FADS3: variants seen among roughly 807,000 people sequenced by gnomAD.
FADS3 encodes fatty acid desaturase 3, also known as cytochrome b5-related protein.
FADS3 carries 30 observed loss-of-function variants against 60.4 expected under a neutral mutation model. The ratio of observed to expected loss-of-function variants is 0.50; its 90% CI spans 0.37 to 0.67. The LOEUF is 0.67. FADS3 is among the 30% of genes least tolerant of loss of function. The probability of loss-of-function intolerance (pLI) is 0.00; values close to 1 mark genes in which losing one functional copy is unlikely to be tolerated. For missense variants in FADS3, 432 were observed against 598.3 expected (o/e 0.72, Z 2.90); for synonymous variants, 234 against 249.3 (o/e 0.94, Z 0.58).
At chr11:61,882,977 G>A (rs1048448124) in intron 1 of FADS3, among the ~76,000 whole-genome samples, 1 of 151,814 alleles carries the variant, frequency 6.6e-6, no homozygotes, top group Non-Finnish European at 1.5e-5. Context: ...CAATCCTCCC[G>A]CCTTGGCCTC....
chr11:61,883,189 C>G (rs778199055), intron 1 of FADS3, among the ~76,000 whole-genome samples: 4 of 152,186 alleles, frequency 2.6e-5, no homozygotes, highest in Non-Finnish European at 5.9e-5. Context: ...AACTCTGTCC[C>G]CATTAAACAC....
In FADS3 at chr11:61,880,106, A is replaced by G. The variant is rs1433464967; in HGVS notation, c.259T>C (p.Phe87Leu). 1 of 1,614,144 alleles carries G rather than the reference A, an allele frequency of 6.2e-7. No homozygotes were observed. Among genetic ancestry groups the G allele is most frequent in the Non-Finnish European group, 8.5e-7 (1 of 1,179,980 alleles). Residue 87 changes from phenylalanine to leucine, a missense_variant, in exon 2 of 12, where the codon TTC becomes CTC. Coordinates refer to ENST00000278829, the MANE Select transcript of FADS3 (RefSeq NM_021727.5). The stretch of plus-strand genomic sequence containing the variant: ...TCTCCAATCAACAGGGGCTGTAGGA[A>G]CTTGCGCACAAAATTGAGATCTTGA... Reference protein sequence around the residue: ...FHQDLNFVRKFLQPLLIGELA... With the variant: ...FHQDLNFVRKLLQPLLIGELA...
At chr11:61,885,432 C>A (rs1170874591) in intron 1 of FADS3, among the ~76,000 whole-genome samples, 1 of 152,136 alleles carries the variant, frequency 6.6e-6, no homozygotes, top group Non-Finnish European at 1.5e-5. Flanking sequence ...AGGGGCCTGG[C>A]GGTTGGCAAG....
Position 61,878,421 on chromosome 11 carries a change from G to C in FADS3, c.747+91C>G. 4 of 1,537,594 alleles carry C rather than the reference G, an allele frequency of 2.6e-6. No homozygotes were observed. The South Asian group carries it at 3.7e-5, about 14-fold the overall frequency. On this transcript the variant is annotated intron_variant, in intron 5 of 11. Transcript: ENST00000278829. ...AGCCAGAGTGGAGGCCAGATCAGGG[G>C]CTAGGTCAGGGGCAGAGTGGGGACC... is the stretch of plus-strand genomic sequence containing the variant.
At position 61,877,977 on chromosome 11, in the gene FADS3, C is replaced by T; in HGVS notation, c.808+178G>A. 1 of 653,938 alleles carries T rather than the reference C, an allele frequency of 1.5e-6. No homozygotes were observed. Among genetic ancestry groups the T allele is most frequent in the East Asian group, 2.6e-5 (1 of 38,512 alleles). The allele number at this position is 653,938 out of a possible 1,614,324, so 40.5% of individuals were successfully genotyped here. On this transcript the variant is annotated intron_variant, in intron 6 of 11. Coordinates refer to ENST00000278829, the MANE Select transcript of FADS3 (RefSeq NM_021727.5). This position sits in a 1 kb window ranked among gnomAD's most constrained non-coding sequence, Gnocchi z 4.7. ...TCCCAGGCACGGGAGACAGCTGGGG[C>T]AAAGGCATGCTGCTGGGAGAGTGTG... is the stretch of plus-strand genomic sequence containing the variant.
At position 61,876,081 on chromosome 11, in the gene FADS3, C is replaced by G; in HGVS notation, c.1160+30G>C. 1 of 1,608,504 alleles carries G rather than the reference C, an allele frequency of 6.2e-7. No homozygotes were observed. The highest frequency in any genetic ancestry group is 8.5e-7 in the Non-Finnish European group (1 of 1,177,584). The stretch of plus-strand genomic sequence containing the variant: ...TCCCCTCCCAGGACCCCCTCCCCAC[C>G]TCCCACTGGCCCCCAGCACCCACAC... On this transcript the variant is annotated intron_variant, in intron 10 of 11. Coordinates refer to ENST00000278829, the MANE Select transcript of FADS3 (RefSeq NM_021727.5). The surrounding 1 kb of genome is among the most constrained non-coding windows in gnomAD (Gnocchi z 5.7).
chr11:61,878,027 T>A lies in FADS3; in HGVS notation c.808+128A>T, dbSNP rs543521670. On this transcript the variant is annotated intron_variant, in intron 6 of 11. Transcript: ENST00000278829. ...GTACAGACTGCAGAGGCTGGGAGGA[T>A]GCCATGACCAGGGAGACCTGACAGA... The A allele has an allele frequency of 1.3e-4, 100 of 797,672 alleles. No individual in the cohort carries two copies. The South Asian group carries it at 1.5e-3, about 12-fold the overall frequency. 49.4% of individuals were successfully genotyped at this position (797,672 alleles called of 1,614,324 possible).
At chr11:61,878,477 C>G (rs771589591) in intron 5 of FADS3, 35 bp downstream of exon 5, 1 of 1,605,774 alleles carries the variant, frequency 6.2e-7, no homozygotes, top group Admixed American at 1.7e-5. Context: ...AGCTGCAGGC[C>G]CAGCCAGAGG....
intron 1 of FADS3, 173 bp from the exon 2 acceptor site, chr11:61,880,324 A>G: frequency 1.8e-6 from 1 of 544,818 alleles, no homozygotes; most frequent in Non-Finnish European, 3.3e-6. Flanking sequence ...TGGTCCTCCC[A>G]GGGCCCCAGG....
rs962710613 is a variant in FADS3 at position 61,880,263 on chromosome 11, G to A, written c.214-112C>T. 5.0e-6 allele frequency: 4 copies of A among 801,128 alleles called. No homozygotes were observed. In the East Asian group the frequency reaches 1.1e-4, roughly 21 times the overall value. The allele number at this position is 801,128 out of a possible 1,614,324, so 49.6% of individuals were successfully genotyped here. ...GATGGATGGGCAGAGCAGACGACAG[G>A]CGGACAGGAAGTCAGCCGGCTGATG... On this transcript the variant is annotated intron_variant, in intron 1 of 11. Transcript: ENST00000278829.
At chr11:61,874,693 C>T (rs955659075) in intron 11 of FADS3, among the ~76,000 whole-genome samples, 2 of 152,150 alleles carry the variant, frequency 1.3e-5, no homozygotes, top group African/African-American at 2.4e-5. Flanking sequence ...TCTGCCTGAA[C>T]GCTCTTTGCC....
At position 61,876,528 on chromosome 11, in the gene FADS3, G is replaced by T; in HGVS notation, c.984-73C>A. ...CACCCTGAGTGGAGGCTGGAGAGCA[G>T]CTGTCCCCAAGTGGCCTTGACTTCC... On this transcript the variant is annotated intron_variant, in intron 8 of 11. Coordinates refer to ENST00000278829, the MANE Select transcript of FADS3 (RefSeq NM_021727.5). The surrounding 1 kb of genome is among the most constrained non-coding windows in gnomAD (Gnocchi z 5.7). The T allele has an allele frequency of 7.9e-7, 1 of 1,260,970 alleles. No individual in the cohort carries two copies. The highest frequency in any genetic ancestry group is 1.2e-6 in the Non-Finnish European group (1 of 862,770). 78.1% of individuals were successfully genotyped at this position (1,260,970 alleles called of 1,614,324 possible). A position where few individuals can be genotyped will look rare whatever the true frequency, so the allele number is the denominator to read the frequency against.
At chr11:61,888,007 C>T (rs754414616) in intron 1 of FADS3, among the ~76,000 whole-genome samples, 1 of 152,198 alleles carries the variant, frequency 6.6e-6, no homozygotes, top group African/African-American at 2.4e-5. Flanking sequence ...GTACTGATTT[C>T]AAAACCTGGC....
chr11:61,888,237 G>A (rs1938378953), intron 1 of FADS3, among the ~76,000 whole-genome samples: 1 of 152,256 alleles, frequency 6.6e-6, no homozygotes, highest in Non-Finnish European at 1.5e-5. Flanking sequence ...TTCCTGGCAG[G>A]AAGGCTTCAT....
intron 1 of FADS3, among the ~76,000 whole-genome samples, chr11:61,886,759 G>T (rs1173154785): frequency 6.6e-6 from 1 of 152,208 alleles, no homozygotes; most frequent in African/African-American, 2.4e-5. Flanking sequence ...GTTGTTAGGC[G>T]AATTCAATCA....
chr11:61,873,986 C>T, intron 11 of FADS3, 121 bp from the exon 12 acceptor site: 1 of 642,846 alleles, frequency 1.6e-6, no homozygotes, highest in Non-Finnish European at 2.8e-6. Context: ...GTTCCCTTCC[C>T]TGGGGGCAGG....
chr11:61,879,614 G>T, intron 2 of FADS3, 105 bp from the exon 3 acceptor site: 1 of 1,138,784 alleles, frequency 8.8e-7, no homozygotes, highest in Non-Finnish European at 1.2e-6. Flanking sequence ...AGGGGTGTGG[G>T]CAAAGAGGAA....
chr11:61,888,600 G>C (rs1436427155), intron 1 of FADS3, among the ~76,000 whole-genome samples: 1 of 152,160 alleles, frequency 6.6e-6, no homozygotes, highest in African/African-American at 2.4e-5. Flanking sequence ...AACCAAATAA[G>C]GTCACCCAGG....
intron 4 of FADS3, 40 bp from the exon 5 acceptor site, chr11:61,878,674 C>T (rs768010610): frequency 3.5e-5 from 57 of 1,612,716 alleles, no homozygotes; most frequent in Non-Finnish European, 1.4e-5. Context: ...GGCTGTGCCC[C>T]CGACTGTGCC....
Sources: gnomAD v4.1 joint callset for allele counts (sites outside exome capture counted in the v4.1 genomes callset) on GRCh38, gnomAD v4.1.1 for gene constraint, Gnocchi (gnomAD v3.1) non-coding constraint, MANE v1.5 for transcripts, NCBI Gene and HGNC (gene_info 2026-07-23, HGNC 2026-07-21) for gene names.